The following TRPM2 variants were observed in gnomAD, a reference collection of about 807,000 sequenced individuals.
TRPM2 encodes the protein estrogen-responsive element-associated gene 1 protein.
A neutral mutation model predicts 174.0 loss-of-function variants in TRPM2; 161 were observed. The ratio of observed to expected loss-of-function variants is 0.93; its 90% CI spans 0.81 to 1.05. TRPM2 has a LOEUF of 1.05. Ranked by LOEUF, TRPM2 falls within the 50% of genes least tolerant of loss-of-function variation. TRPM2 has a pLI of 0.00. For missense variants in TRPM2, 2,057 were observed against 2,038.0 expected, an observed-to-expected ratio of 1.01 and a Z score of -0.18; for synonymous variants, 954 against 861.3, an observed-to-expected ratio of 1.11 and a Z score of -1.88.
At chr21:44,357,121 G>A (rs899519695) in intron 2 of TRPM2, among the ~76,000 whole-genome samples, 2 of 152,152 alleles carry the variant, frequency 1.3e-5, no homozygotes, top group African/African-American at 4.8e-5. Context: ...CGTCTGGGAA[G>A]GCAGCCCAGC....
chr21:44,408,366 C>T (rs1052660365), intron 19 of TRPM2, among the ~76,000 whole-genome samples: 1 of 151,978 alleles, frequency 6.6e-6, no homozygotes, highest in African/African-American at 2.4e-5. Context: ...CATATGGGAA[C>T]TCCATGTTTA....
intron 9 of TRPM2, 45 bp downstream of exon 9, chr21:44,382,865 G>A (rs759111180): frequency 3.5e-5 from 54 of 1,543,464 alleles, no homozygotes; most frequent in South Asian, 5.7e-5. Flanking sequence ...AGGCCAGAAC[G>A]TGAGCTCTGA....
intron 22 of TRPM2, among the ~76,000 whole-genome samples, chr21:44,420,501 C>T (rs1233964486): frequency 6.6e-6 from 1 of 152,186 alleles, no homozygotes; most frequent in African/African-American, 2.4e-5. Flanking sequence ...AGGCTGGGGT[C>T]GCTGGTCTCC....
In TRPM2 at chr21:44,418,345, C is replaced by T. The variant is rs1249564099; in HGVS notation, c.3329-78C>T. 1.9e-5 allele frequency: 29 copies of T among 1,553,392 alleles called. No homozygotes were observed. In the African/African-American group the frequency reaches 3.0e-4, roughly 16 times the overall value. On this transcript the variant is annotated intron_variant, in intron 21 of 31. Coordinates refer to ENST00000397928, the MANE Select transcript of TRPM2 (RefSeq NM_003307.4). The stretch of plus-strand genomic sequence containing the variant: ...TCAGGACTGGCCCCCTCCCACGGGG[C>T]CCCCCCGGTGGGTCAGGGCTTCAGG...
chr21:44,427,347 C>T (rs1290122986), intron 27 of TRPM2, among the ~76,000 whole-genome samples: 7 of 152,238 alleles, frequency 4.6e-5, no homozygotes, highest in African/African-American at 1.4e-4. Context: ...TGGTCCCTGC[C>T]GTAATCTGGG....
chr21:44,429,444 T>C (rs1271314763), intron 27 of TRPM2, among the ~76,000 whole-genome samples: 3 of 151,808 alleles, frequency 2.0e-5, no homozygotes, highest in Non-Finnish European at 4.4e-5. Flanking sequence ...TCCACCACCA[T>C]GCCCAGCTAA....
rs373303381 is a variant in TRPM2 at position 44,427,101 on chromosome 21, G to A, written c.3964G>A (p.Gly1322Arg). 101 of 1,592,728 alleles carry A rather than the reference G, an allele frequency of 6.3e-5. No homozygotes were observed. Among genetic ancestry groups the A allele is most frequent in the Middle Eastern group, 3.4e-4 (2 of 5,874 alleles). ...SFHGPYTVQA[G>R]LPLNPMGRTG... ...CCACGGGCCGTACACAGTGCAGGCC[G>A]GGTTGCCCCTGTGAGTGTGCCCCCT... The change falls in exon 27 of 32, where the codon GGG becomes AGG. Residue 1322 changes from glycine to arginine, a missense_variant. Coordinates refer to ENST00000397928, the MANE Select transcript of TRPM2 (RefSeq NM_003307.4).
chr21:44,364,345 C>A, intron 3 of TRPM2, 63 bp downstream of exon 3: 2 of 1,570,304 alleles, frequency 1.3e-6, no homozygotes, highest in Non-Finnish European at 1.7e-6. Context: ...CAGTGACACG[C>A]GGTGGTCGGC....
At chr21:44,363,124 G>A (rs1602130170) in intron 2 of TRPM2, among the ~76,000 whole-genome samples, 1 of 152,322 alleles carries the variant, frequency 6.6e-6, no homozygotes, top group South Asian at 2.1e-4. Context: ...ACTGTTGTGT[G>A]TCTTGGCATG....
At position 44,418,014 on chromosome 21, in the gene TRPM2, C is replaced by T. The variant is rs144487473; in HGVS notation, c.3234C>T (p.Pro1078=). Residue 1078 remains proline, a synonymous_variant, in exon 21 of 32, where the codon CCC becomes CCT. Coordinates refer to ENST00000397928, the MANE Select transcript of TRPM2 (RefSeq NM_003307.4). ...HDLIEEYHGR[P]AAPPPFILLS... is the part of the protein sequence containing the mutation. ...TGATCGAGGAGTACCACGGCCGCCC[C>T]GCCGCGCCGCCCCCCTTCATCCTCC... 9.3e-5 allele frequency: 150 copies of T among 1,612,998 alleles called. 1 individual carries two copies. Among genetic ancestry groups the T allele is most frequent in the African/African-American group, 3.5e-4 (26 of 75,056 alleles).
intron 5 of TRPM2, 103 bp from the exon 6 acceptor site, chr21:44,375,730 A>T: frequency 4.5e-6 from 6 of 1,333,468 alleles, no homozygotes; most frequent in Non-Finnish European, 6.1e-6. Context: ...CACAGATTCC[A>T]GGGACTGGGA....
rs1353215170 is a variant in TRPM2 at position 44,390,854 on chromosome 21, A to C, written c.1319-50A>C. The C allele has an allele frequency of 3.1e-6, 5 of 1,610,374 alleles. No homozygotes were observed. The Admixed American group carries it at 8.4e-5, about 27-fold the overall frequency. The stretch of plus-strand genomic sequence containing the variant: ...TCTGACATCATTTCCCTGGAGGGAA[A>C]TGGCTTTGAGCTCCAGATCGAGGCC... On this transcript the variant is annotated intron_variant, in intron 9 of 31. Coordinates refer to ENST00000397928, the MANE Select transcript of TRPM2 (RefSeq NM_003307.4).
At chr21:44,406,147 G>T (rs1181731755) in intron 18 of TRPM2, 110 bp downstream of exon 18, 3 of 1,391,304 alleles carry the variant, frequency 2.2e-6, no homozygotes, top group Non-Finnish European at 2.9e-6. Context: ...ACACCTGTAG[G>T]TTCCCCGTCC....
chr21:44,367,055 C>A lies in TRPM2; in HGVS notation c.604+121C>A. On this transcript the variant is annotated intron_variant, in intron 4 of 31. Coordinates refer to ENST00000397928, the MANE Select transcript of TRPM2 (RefSeq NM_003307.4). The surrounding 1 kb of genome is among the most constrained non-coding windows in gnomAD (Gnocchi z 4.6). Reference sequence around the variant, plus strand: ...CCCTGGGAGCCGCCGAGGCTGTGCCCCAGCCTGAGTCGGACCCATGCACCT... The same window carrying A: ...CCCTGGGAGCCGCCGAGGCTGTGCCACAGCCTGAGTCGGACCCATGCACCT... 1.6e-6 allele frequency: 2 copies of A among 1,233,200 alleles called. No individual in the cohort carries two copies. The highest frequency in any genetic ancestry group is 2.2e-6 in the Non-Finnish European group (2 of 912,014). 76.4% of individuals were successfully genotyped at this position (1,233,200 alleles called of 1,614,324 possible). A position where few individuals can be genotyped will look rare whatever the true frequency, so the allele number is the denominator to read the frequency against.
chr21:44,407,083 T>A lies in TRPM2; in HGVS notation c.2962+318T>A, dbSNP rs530523000. 7.7e-5 allele frequency among the ~76,000 whole-genome samples: 10 copies of A among 129,624 alleles called. No individual in the cohort carries two copies. The South Asian group carries it at 2.2e-3, about 28-fold the overall frequency. The allele number at this position is 129,624 out of a possible 152,430, so 85.0% of individuals were successfully genotyped here. The stretch of plus-strand genomic sequence containing the variant: ...TGTCACCCTGTATCCCCTTTCCCTC[T>A]CACCTCAATCAGAAATAACTTCCTT... On this transcript the variant is annotated intron_variant, in intron 19 of 31. Coordinates refer to ENST00000397928, the MANE Select transcript of TRPM2 (RefSeq NM_003307.4).
Position 44,414,132 on chromosome 21 carries a change from G to T in TRPM2, c.3146+58G>T, listed in dbSNP as rs997673488. On this transcript the variant is annotated intron_variant, in intron 20 of 31. Coordinates refer to ENST00000397928, the MANE Select transcript of TRPM2 (RefSeq NM_003307.4). ...GGTGGGTGGGCGGCGTTCCTGGGCC[G>T]CAGTGGCCATGCTGTCTCCAGGGTC... 9 of 1,572,778 alleles carry T rather than the reference G, an allele frequency of 5.7e-6. No homozygotes were observed. In the South Asian group the frequency reaches 7.9e-5, roughly 14 times the overall value.
At chr21:44,374,505 C>T (rs191306812) in intron 5 of TRPM2, among the ~76,000 whole-genome samples, 364 of 152,200 alleles carry the variant, frequency 2.4e-3, no homozygotes, top group Admixed American at 7.6e-3. Flanking sequence ...TCATACAGCT[C>T]ACCATAATGT....
intron 19 of TRPM2, among the ~76,000 whole-genome samples, chr21:44,407,622 G>A (rs2049951252): frequency 6.6e-6 from 1 of 151,614 alleles, no homozygotes; most frequent in African/African-American, 2.4e-5. Flanking sequence ...CCTCCCCTCA[G>A]CCACAGCCAC....
rs778403880 is a variant in TRPM2 at position 44,425,692 on chromosome 21, G to T, written c.3660G>T (p.Glu1220Asp). ...PTLASQKAAE[E>D]PDAEPGGRKK... Reference sequence around the variant, plus strand: ...CAGCCTCCCAGAAGGCCGCGGAGGAGCCGGATGCTGAGCCGGGAGGCAGGA... The same window carrying T: ...CAGCCTCCCAGAAGGCCGCGGAGGATCCGGATGCTGAGCCGGGAGGCAGGA... Residue 1220 changes from glutamate to aspartate, a missense_variant, in exon 25 of 32, where the codon GAG becomes GAT. Transcript: ENST00000397928. The T allele has an allele frequency of 1.7e-5, 27 of 1,547,246 alleles. No homozygotes were observed. Among genetic ancestry groups the T allele is most frequent in the Non-Finnish European group, 2.4e-5 (27 of 1,142,778 alleles).
Sources: allele counts gnomAD v4.1 joint callset (sites outside exome capture counted in the v4.1 genomes callset), GRCh38; gene constraint gnomAD v4.1.1; non-coding constraint Gnocchi (gnomAD v3.1); transcripts MANE v1.5; gene names NCBI Gene and HGNC (gene_info 2026-07-23, HGNC 2026-07-21).